The following NTM variants were observed in gnomAD, a reference collection of about 807,000 sequenced individuals.
NTM encodes the protein IgLON family member 2.
NTM carries 13 observed loss-of-function variants against 42.1 expected under a neutral mutation model. That is an observed-to-expected ratio of 0.31 (90% CI 0.20 to 0.49). The LOEUF (loss-of-function observed/expected upper bound fraction) is 0.49, where lower values mean the gene tolerates loss of function less well. Ranked by LOEUF, NTM falls within the 20% of genes least tolerant of loss-of-function variation. NTM has a pLI of 0.99. For synonymous variants in NTM, 187 were observed against 179.2 expected (o/e 1.04, Z -0.35); for missense variants, 373 against 452.8 (o/e 0.82, Z 1.60).
intron 1 of NTM, among the ~76,000 whole-genome samples, chr11:131,886,708 C>A (rs549072806): frequency 1.3e-5 from 2 of 152,210 alleles, no homozygotes; most frequent in South Asian, 2.1e-4. Context: ...CTTGAGGGAG[C>A]TTTCCTACAA....
chr11:131,457,372 G>A (rs1950987065), intron 1 of NTM, among the ~76,000 whole-genome samples: 4 of 152,004 alleles, frequency 2.6e-5, no homozygotes, highest in African/African-American at 7.3e-5. Context: ...AGCACAAGCC[G>A]AGAAGCCACA....
intron 3 of NTM, among the ~76,000 whole-genome samples, chr11:132,175,433 A>G (rs915803146): frequency 2.0e-5 from 3 of 152,196 alleles, no homozygotes; most frequent in African/African-American, 7.2e-5. Context: ...AATTTGGAAT[A>G]TACTAGAACC....
chr11:131,839,720 T>C (rs986016166), intron 1 of NTM, among the ~76,000 whole-genome samples: 3 of 152,218 alleles, frequency 2.0e-5, no homozygotes. Flanking sequence ...AGTTTGCTGC[T>C]ATGTTGAAAC....
At chr11:132,082,112 A>C (rs2059148109) in intron 2 of NTM, among the ~76,000 whole-genome samples, 1 of 151,842 alleles carries the variant, frequency 6.6e-6, no homozygotes, top group Admixed American at 6.6e-5. Context: ...AGGTTAAAAC[A>C]CTTTTGTAGG....
At chr11:132,194,118 C>T (rs951305836) in intron 3 of NTM, among the ~76,000 whole-genome samples, 45 of 43,324 alleles carry the variant, frequency 1.0e-3, no homozygotes, top group African/African-American at 4.9e-3. Context: ...TTCTATGAAG[C>T]CAGCATTATA....
chr11:132,222,065 G>A (rs535023443), intron 4 of NTM, among the ~76,000 whole-genome samples: 13 of 152,174 alleles, frequency 8.5e-5, no homozygotes, highest in South Asian at 2.1e-4. Flanking sequence ...CTGTGTCATC[G>A]CGCTGGACTC....
At chr11:131,892,554 T>A (rs1056768548) in intron 1 of NTM, among the ~76,000 whole-genome samples, 3 of 152,246 alleles carry the variant, frequency 2.0e-5, no homozygotes, top group African/African-American at 7.2e-5. Flanking sequence ...TTCTACTAGA[T>A]GTGGGGTGCC....
chr11:132,049,126 G>A (rs2078473414), intron 2 of NTM, among the ~76,000 whole-genome samples: 1 of 152,048 alleles, frequency 6.6e-6, no homozygotes, highest in Non-Finnish European at 1.5e-5. Flanking sequence ...TGACTTTGAG[G>A]CCACACACCT....
Position 131,944,913 on chromosome 11 carries a change from A to G in NTM, c.167+33265A>G, listed in dbSNP as rs2060185200. On this transcript the variant is annotated intron_variant, in intron 2 of 8. Transcript: ENST00000683400. ...AGTTTGGAATCATTTGGCTCTCATG[A>G]TGCAAGACTAAGTAAATGCGTTTTA... Among the ~76,000 whole-genome samples the G allele has an allele frequency of 2.6e-5, 4 of 152,172 alleles. No homozygotes were observed. In the South Asian group the frequency reaches 6.2e-4, roughly 24 times the overall value.
Position 132,162,910 on chromosome 11 carries a change from G to C in NTM, c.400+16396G>C, listed in dbSNP as rs184666045. On this transcript the variant is annotated intron_variant, in intron 3 of 8. Coordinates refer to ENST00000683400, the MANE Select transcript of NTM (RefSeq NM_001352005.2). ...TATGAGTGATAGGCGTGATGGACAT[G>C]TAACACTTAGCCCAAGTGAATGTGA... Among the ~76,000 whole-genome samples, 43 of 152,188 alleles carry C rather than the reference G, an allele frequency of 2.8e-4. 1 individual carries two copies. Among genetic ancestry groups the C allele is most frequent in the African/African-American group, 9.2e-4 (38 of 41,520 alleles).
chr11:132,122,177 C>T (rs1327321412), intron 2 of NTM, among the ~76,000 whole-genome samples: 1 of 152,192 alleles, frequency 6.6e-6, no homozygotes, highest in African/African-American at 2.4e-5. Flanking sequence ...ATAGACAGGG[C>T]TTCTCTTTGG....
intron 1 of NTM, among the ~76,000 whole-genome samples, chr11:131,804,405 C>T (rs964468777): frequency 1.3e-5 from 2 of 152,182 alleles, no homozygotes; most frequent in Non-Finnish European, 2.9e-5. Flanking sequence ...TCTGGTCTAT[C>T]TCAAGCCCTC....
At chr11:131,572,523 T>C (rs928855079) in intron 1 of NTM, among the ~76,000 whole-genome samples, 1 of 152,160 alleles carries the variant, frequency 6.6e-6, no homozygotes, top group Non-Finnish European at 1.5e-5. Context: ...CTTTTGACCT[T>C]TGGTGTGACA....
chr11:131,834,619 C>CATATATATATAT, intron 1 of NTM, among the ~76,000 whole-genome samples: 1 of 57,698 alleles, frequency 1.7e-5, no homozygotes, highest in Non-Finnish European at 3.8e-5. Context: ...TATATATATA[C>CATATATATATAT]ATATACATAT....
chr11:131,789,645 G>GAAGAAGAAGAAGAA (rs2090516189), intron 1 of NTM, among the ~76,000 whole-genome samples: 1 of 128,244 alleles, frequency 7.8e-6, no homozygotes, highest in Admixed American at 1.0e-4. Context: ...AAAAGAAGAA[G>GAAGAAGAAGAAGAA]AAGAAGAAGA....
chr11:132,040,316 C>A (rs749357904), intron 2 of NTM, among the ~76,000 whole-genome samples: 147 of 152,166 alleles, frequency 9.7e-4, no homozygotes, highest in Admixed American at 1.8e-3. Flanking sequence ...GGGAAATGGG[C>A]CCTAGCAAGA....
At chr11:131,720,265 C>A (rs1300963609) in intron 1 of NTM, among the ~76,000 whole-genome samples, 1 of 152,172 alleles carries the variant, frequency 6.6e-6, no homozygotes, top group Non-Finnish European at 1.5e-5. Context: ...TTATGAGAAG[C>A]AAATGAAGAC....
intron 2 of NTM, among the ~76,000 whole-genome samples, chr11:132,044,106 G>T (rs1413334010): frequency 7.6e-6 from 1 of 131,800 alleles, no homozygotes; most frequent in Non-Finnish European, 1.7e-5. Context: ...ATGTATATGT[G>T]TGTATGTGTA....
intron 1 of NTM, among the ~76,000 whole-genome samples, chr11:131,789,642 G>GAA (rs1428483869): frequency 2.5e-5 from 3 of 122,326 alleles, no homozygotes; most frequent in Non-Finnish European, 3.4e-5. Context: ...AAGAAAAGAA[G>GAA]AAGAAGAAGA....
Sources: allele counts gnomAD v4.1 joint callset (sites outside exome capture counted in the v4.1 genomes callset), GRCh38; gene constraint gnomAD v4.1.1; transcripts MANE v1.5; gene names NCBI Gene and HGNC (gene_info 2026-07-23, HGNC 2026-07-21).